The following GULP1 variants were observed in gnomAD, a reference collection of about 807,000 sequenced individuals.
The protein encoded by GULP1 is GULP PTB domain containing engulfment adaptor 1, also known as PTB domain-containing engulfment adapter protein 1.
Under a neutral mutation model 40.9 loss-of-function variants are expected in GULP1, and 19 were observed. The ratio of observed to expected loss-of-function variants is 0.46; its 90% CI spans 0.32 to 0.68. GULP1 has a LOEUF of 0.68. GULP1 is among the 30% of genes least tolerant of loss of function. The probability of loss-of-function intolerance (pLI) is 0.03; values close to 1 mark genes in which losing one functional copy is unlikely to be tolerated. For missense variants in GULP1, 312 were observed against 362.2 expected (o/e 0.86, Z 1.12); for synonymous variants, 119 against 117.6 (o/e 1.01, Z -0.08).
intron 1 of GULP1, among the ~76,000 whole-genome samples, chr2:188,366,818 C>A (rs1280444631): frequency 6.6e-6 from 1 of 152,112 alleles, no homozygotes; most frequent in Non-Finnish European, 1.5e-5. Context: ...TGGTCTGGAT[C>A]TTCTGACCTC....
chr2:188,463,074 A>G (rs907498771), intron 2 of GULP1, among the ~76,000 whole-genome samples: 14 of 152,090 alleles, frequency 9.2e-5, no homozygotes, highest in South Asian at 4.1e-4. Flanking sequence ...GTGTTGTAAT[A>G]TTCTCTGTTT....
intron 4 of GULP1, among the ~76,000 whole-genome samples, chr2:188,506,157 C>A (rs2063891433): frequency 6.6e-6 from 1 of 151,800 alleles, no homozygotes; most frequent in Non-Finnish European, 1.5e-5. Context: ...TATTTATACA[C>A]TCCTTTTGTC....
rs374160218 is a variant in GULP1, at chr2:188,337,751, C to T, written c.-172+45585C>T. On this transcript the variant is annotated intron_variant, in intron 1 of 11. Coordinates refer to ENST00000409830, the MANE Select transcript of GULP1 (RefSeq NM_016315.4). ...TTTCAGTCTATTCCTGACTGCACAGCCTGGTTCTCTGGCCACCTTGGAATT... is the reference window on the plus strand; with the variant it reads ...TTTCAGTCTATTCCTGACTGCACAGTCTGGTTCTCTGGCCACCTTGGAATT... Among the ~76,000 whole-genome samples the T allele has an allele frequency of 2.0e-5, 3 of 152,102 alleles. No homozygotes were observed. In the South Asian group the frequency reaches 6.2e-4, roughly 32 times the overall value.
chr2:188,297,949 G>C (rs1419064742), intron 1 of GULP1, among the ~76,000 whole-genome samples: 1 of 151,958 alleles, frequency 6.6e-6, no homozygotes, highest in Non-Finnish European at 1.5e-5. Flanking sequence ...TAACCATCAA[G>C]AGATACCATG....
At chr2:188,570,685 C>A (rs1302194100) in intron 9 of GULP1, among the ~76,000 whole-genome samples, 1 of 151,990 alleles carries the variant, frequency 6.6e-6, no homozygotes, top group Non-Finnish European at 1.5e-5. Context: ...TTTCCCAATA[C>A]CATGTATGAT....
intron 1 of GULP1, among the ~76,000 whole-genome samples, chr2:188,362,507 C>T (rs2046231531): frequency 6.6e-6 from 1 of 152,094 alleles, no homozygotes; most frequent in Non-Finnish European, 1.5e-5. Context: ...CAGTGGAAGA[C>T]TTGTGATTCT....
intron 2 of GULP1, among the ~76,000 whole-genome samples, chr2:188,388,591 A>T (rs899636137): frequency 1.3e-5 from 2 of 152,000 alleles, no homozygotes; most frequent in African/African-American, 4.8e-5. Context: ...TTTAAAAGTG[A>T]TATGTGTGTT....
chr2:188,461,024 G>A (rs2152961132), intron 2 of GULP1, among the ~76,000 whole-genome samples: 1 of 152,176 alleles, frequency 6.6e-6, no homozygotes, highest in Middle Eastern at 3.4e-3. Context: ...ATGTATTGTT[G>A]AATTTGGTTT....
At chr2:188,302,736 T>C (rs1559087654) in intron 1 of GULP1, among the ~76,000 whole-genome samples, 1 of 152,140 alleles carries the variant, frequency 6.6e-6, no homozygotes. Flanking sequence ...TGATCTGCAT[T>C]GCCAAATTTA....
intron 1 of GULP1, among the ~76,000 whole-genome samples, chr2:188,380,908 T>C (rs1162581215): frequency 6.6e-6 from 1 of 152,152 alleles, no homozygotes; most frequent in East Asian, 1.9e-4. Context: ...TTTTCTTAAA[T>C]GGTACTGTTG....
chr2:188,484,166 C>G (rs554108900), intron 4 of GULP1, among the ~76,000 whole-genome samples: 5 of 152,094 alleles, frequency 3.3e-5, no homozygotes, highest in Admixed American at 6.5e-5. Context: ...CCTCAGCCCC[C>G]CAAAGTGCTG....
intron 1 of GULP1, among the ~76,000 whole-genome samples, chr2:188,376,539 TGAAAACCTCA>T (rs899613745): frequency 1.6e-4 from 24 of 152,244 alleles, no homozygotes; most frequent in African/African-American, 4.6e-4. Flanking sequence ...AAGGTTTTTA[TGAAAACCTCA>T]GAAAACCTCA....
chr2:188,310,525 A>C (rs1447071099), intron 1 of GULP1, among the ~76,000 whole-genome samples: 2 of 152,212 alleles, frequency 1.3e-5, no homozygotes, highest in Non-Finnish European at 2.9e-5. Context: ...AAGACAAGGA[A>C]ATATGAGACA....
chr2:188,368,939 G>GTGTGTGTATATA (rs1272494109), intron 1 of GULP1, among the ~76,000 whole-genome samples: 1 of 86,088 alleles, frequency 1.2e-5, no homozygotes, highest in African/African-American at 4.1e-5. Context: ...ATATATGTGT[G>GTGTGTGTATATA]TATATATATA....
At chr2:188,463,713 C>CT (rs1247983695) in intron 2 of GULP1, among the ~76,000 whole-genome samples, 1 of 151,658 alleles carries the variant, frequency 6.6e-6, no homozygotes, top group African/African-American at 2.4e-5. Flanking sequence ...TTTTTCTCCT[C>CT]TGACTGTGTG....
chr2:188,561,152 C>T (rs1475121309), intron 7 of GULP1, among the ~76,000 whole-genome samples: 7 of 152,134 alleles, frequency 4.6e-5, no homozygotes, highest in Non-Finnish European at 8.8e-5. Flanking sequence ...ACTGTTTAAG[C>T]CCCAGTCGTG....
At chr2:188,358,272 C>T (rs992829855) in intron 1 of GULP1, among the ~76,000 whole-genome samples, 3 of 152,042 alleles carry the variant, frequency 2.0e-5, no homozygotes, top group African/African-American at 7.2e-5. Flanking sequence ...CACTTATACT[C>T]GGAAGCTCAA....
intron 1 of GULP1, among the ~76,000 whole-genome samples, chr2:188,293,496 T>TG (rs2034241015): frequency 6.6e-6 from 1 of 152,158 alleles, no homozygotes; most frequent in Non-Finnish European, 1.5e-5. Flanking sequence ...GGTGCTAAAG[T>TG]AAGGGAGATT....
At chr2:188,492,397 G>A (rs2062480649) in intron 4 of GULP1, among the ~76,000 whole-genome samples, 1 of 151,894 alleles carries the variant, frequency 6.6e-6, no homozygotes, top group African/African-American at 2.4e-5. Context: ...AGTATTCCAG[G>A]CATTTCTTTG....
Sources: gnomAD v4.1 joint callset for allele counts (sites outside exome capture counted in the v4.1 genomes callset) on GRCh38, gnomAD v4.1.1 for gene constraint, MANE v1.5 for transcripts, NCBI Gene and HGNC (gene_info 2026-07-23, HGNC 2026-07-21) for gene names.